N4BP2: variants seen among roughly 807,000 people sequenced by gnomAD.
N4BP2 encodes the protein NEDD4-binding protein 2.
N4BP2 carries 91 observed loss-of-function variants against 152.8 expected under a neutral mutation model. That is an observed-to-expected ratio of 0.60 (90% CI 0.50 to 0.71). The LOEUF (loss-of-function observed/expected upper bound fraction) is 0.71. Among genes scored for constraint, N4BP2 ranks in the 30% least tolerant of loss-of-function variants. N4BP2 has a pLI of 0.00. For synonymous variants in N4BP2, 646 were observed against 705.3 expected (o/e 0.92, Z 1.33); for missense variants, 1,923 against 2,059.1 (o/e 0.93, Z 1.28).
chr4:40,175,667 G>T, the N4BP2 span, among the ~76,000 whole-genome samples: 10 of 152,002 alleles, frequency 6.6e-5, no homozygotes, highest in African/African-American at 2.4e-4. Flanking sequence ...AAGTAGCAGG[G>T]CGTGGTGGCG....
chr4:40,185,088 A>G, the N4BP2 span, among the ~76,000 whole-genome samples: 1 of 151,998 alleles, frequency 6.6e-6, no homozygotes, highest in Non-Finnish European at 1.5e-5. Flanking sequence ...GTTTTTCTCT[A>G]TTTTTTTCAG....
At chr4:40,108,724 AT>A (rs1716566963) in intron 5 of N4BP2, among the ~76,000 whole-genome samples, 2 of 152,256 alleles carry the variant, frequency 1.3e-5, no homozygotes, top group Admixed American at 6.5e-5. Flanking sequence ...GTAACTGTCT[AT>A]TCAGTGAAGA....
rs758868444 is a variant in N4BP2, at chr4:40,121,201, G to T, written c.3090G>T (p.Lys1030Asn). Residue 1030 changes from lysine (K) to asparagine (N), a missense_variant, in exon 9 of 18, where the codon AAG (lysine) becomes AAT (asparagine). Transcript: ENST00000261435. ...QDFALLWKIE[K>N]NKISISDSIK... Reference sequence around the variant, plus strand: ...TTGCTCTTTTATGGAAAATAGAAAAGAATAAAATTAGCATTTCAGATTCTA... The same window carrying T: ...TTGCTCTTTTATGGAAAATAGAAAATAATAAAATTAGCATTTCAGATTCTA... The T allele has an allele frequency of 5.6e-6, 9 of 1,613,870 alleles. No homozygotes were observed. Among genetic ancestry groups the T allele is most frequent in the Non-Finnish European group, 6.8e-6 (8 of 1,179,942 alleles).
intron 1 of N4BP2, among the ~76,000 whole-genome samples, chr4:40,065,046 G>A (rs570121642): frequency 2.6e-5 from 4 of 152,296 alleles, no homozygotes; most frequent in East Asian, 3.9e-4. Flanking sequence ...GGGATTACAA[G>A]CGTGAGCCAC....
chr4:40,058,573 G>A (rs570958929), intron 1 of N4BP2, among the ~76,000 whole-genome samples: 1 of 152,166 alleles, frequency 6.6e-6, no homozygotes, highest in Non-Finnish European at 1.5e-5. Context: ...AAATCAGCAC[G>A]CAGTACGTAC....
chr4:40,085,548 C>T (rs1200129305), intron 2 of N4BP2, among the ~76,000 whole-genome samples: 1 of 152,054 alleles, frequency 6.6e-6, no homozygotes, highest in Non-Finnish European at 1.5e-5. Flanking sequence ...CCTCCAACTC[C>T]TAGAGTCAAG....
chr4:40,163,698 A>G, the N4BP2 span, among the ~76,000 whole-genome samples: 3 of 152,170 alleles, frequency 2.0e-5, no homozygotes, highest in African/African-American at 7.2e-5. Flanking sequence ...TAGAGAAGAA[A>G]AACCCTCTGT....
At chr4:40,087,307 T>G (rs183593409) in intron 2 of N4BP2, among the ~76,000 whole-genome samples, 70 of 152,174 alleles carry the variant, frequency 4.6e-4, no homozygotes, top group Middle Eastern at 3.4e-3. Flanking sequence ...GCTTCTTGTG[T>G]TAATGGTTAC....
intron 4 of N4BP2, 35 bp from the exon 5 acceptor site, chr4:40,106,865 A>G: frequency 1.3e-6 from 2 of 1,563,316 alleles, no homozygotes; most frequent in Non-Finnish European, 1.7e-6. Context: ...TTTAGAAGAA[A>G]AGGTAATGAA....
At chr4:40,160,518 T>C (rs770291423), downstream of N4BP2, among the ~76,000 whole-genome samples, 4 of 152,194 alleles carry the variant, frequency 2.6e-5, no homozygotes, top group Non-Finnish European at 5.9e-5. Context: ...CCTAAGCACA[T>C]TTAAGGTAGG....
At position 40,155,823 on chromosome 4, in the gene N4BP2, A is replaced by ATT. The variant is rs200319185; in HGVS notation, c.*1593_*1594dup. The ATT allele has an allele frequency of 6.6e-6, 1 of 151,980 alleles. No homozygotes were observed. The highest frequency in any genetic ancestry group is 1.5e-5 in the Non-Finnish European group (1 of 67,960). 9.4% of individuals were successfully genotyped at this position (151,980 alleles called of 1,614,324 possible). On this transcript the variant is annotated 3_prime_UTR_variant, in exon 18 of 18. Coordinates refer to ENST00000261435, the MANE Select transcript of N4BP2 (RefSeq NM_018177.6). ...TTCAATGAAAATAAAACCCCAAAAC[A>ATT]TTTTTTTTATATATCATGATTGCAT...
chr4:40,188,689 G>A, the N4BP2 span, among the ~76,000 whole-genome samples: 5 of 145,046 alleles, frequency 3.4e-5, no homozygotes, highest in Admixed American at 2.8e-4. Context: ...AGGTTGCAAT[G>A]AGCTGAGATG....
At chr4:40,074,071 C>T (rs1324503794) in intron 2 of N4BP2, among the ~76,000 whole-genome samples, 13 of 151,780 alleles carry the variant, frequency 8.6e-5, no homozygotes, top group Non-Finnish European at 1.8e-4. Flanking sequence ...GGATTACAGG[C>T]GTGAGCCACC....
chr4:40,126,174 A>G lies in N4BP2; in HGVS notation c.4371A>G (p.Glu1457=), dbSNP rs541301610. The part of the protein sequence containing the change: ...LVGHTGLDNP[E]QKSSQRTGKK... ...GACATACTGGGCTTGATAATCCTGAACAAAAATCATCTCAGAGAACAGGCA... is the reference window on the plus strand; with the variant it reads ...GACATACTGGGCTTGATAATCCTGAGCAAAAATCATCTCAGAGAACAGGCA... The change falls in exon 12 of 18, where the codon GAA becomes GAG. Residue 1457 remains glutamate (E), a synonymous_variant. Coordinates refer to ENST00000261435, the MANE Select transcript of N4BP2 (RefSeq NM_018177.6). 6.2e-7 allele frequency: 1 copy of G among 1,606,812 alleles called. No homozygotes were observed. Among genetic ancestry groups the G allele is most frequent in the African/African-American group, 1.3e-5 (1 of 74,626 alleles).
At chr4:40,059,216 C>G (rs186067315) in intron 1 of N4BP2, among the ~76,000 whole-genome samples, 1 of 152,226 alleles carries the variant, frequency 6.6e-6, no homozygotes, top group Non-Finnish European at 1.5e-5. Flanking sequence ...AAAGCAGCAA[C>G]CATTTATTAG....
At chr4:40,127,498 A>G (rs1718517256) in intron 12 of N4BP2, among the ~76,000 whole-genome samples, 1 of 152,094 alleles carries the variant, frequency 6.6e-6, no homozygotes, top group African/African-American at 2.4e-5. Context: ...TATCAACATG[A>G]ACCACCATGC....
At chr4:40,128,737 A>G (rs1210907527) in intron 12 of N4BP2, among the ~76,000 whole-genome samples, 1 of 152,030 alleles carries the variant, frequency 6.6e-6, no homozygotes, top group African/African-American at 2.4e-5. Context: ...CATGTTGGCC[A>G]GGCTGGTCTT....
intron 1 of N4BP2, among the ~76,000 whole-genome samples, chr4:40,063,164 C>G (rs766988216): frequency 6.6e-6 from 1 of 152,082 alleles, no homozygotes; most frequent in South Asian, 2.1e-4. Flanking sequence ...TTTGGTTTCT[C>G]TATTTTATTA....
At chr4:40,100,537 A>G (rs1260585799) in intron 3 of N4BP2, among the ~76,000 whole-genome samples, 1 of 151,966 alleles carries the variant, frequency 6.6e-6, no homozygotes, top group African/African-American at 2.4e-5. Flanking sequence ...ACATGCTACC[A>G]CACTGGTTAA....
Sources: allele counts gnomAD v4.1 joint callset (sites outside exome capture counted in the v4.1 genomes callset), GRCh38; gene constraint gnomAD v4.1.1; transcripts MANE v1.5; gene names NCBI Gene and HGNC (gene_info 2026-07-23, HGNC 2026-07-21).